C12orf60: variants seen among roughly 807,000 people sequenced by gnomAD.
C12orf60 encodes uncharacterized protein C12orf60.
For missense variants in C12orf60, 284 were observed against 283.2 expected (o/e 1.00, Z -0.02); for synonymous variants, 102 against 94.6 (o/e 1.08, Z -0.45).
intron 1 of C12orf60, chr12:14,805,650 A>G (rs1026594770): frequency 1.1e-5 from 2 of 181,034 alleles, no homozygotes; most frequent in Non-Finnish European, 2.3e-5. Flanking sequence ...AAGTCTCTGC[A>G]TTCAATGTGA....
chr12:14,805,952 G>A (rs57839882), intron 1 of C12orf60: 1 of 1,510,186 alleles, frequency 6.6e-7, no homozygotes, highest in South Asian at 1.3e-5. Context: ...AGCAAACACT[G>A]TTACTGAAAA....
At chr12:14,819,303 A>C (rs773278897) in intron 1 of C12orf60, among the ~76,000 whole-genome samples, 4 of 152,198 alleles carry the variant, frequency 2.6e-5, no homozygotes, top group Non-Finnish European at 5.9e-5. Context: ...AGAGTATTAT[A>C]AATGATACTT....
At chr12:14,808,966 TC>T (rs1278486693) in intron 1 of C12orf60, among the ~76,000 whole-genome samples, 2 of 152,242 alleles carry the variant, frequency 1.3e-5, no homozygotes, top group Non-Finnish European at 2.9e-5. Context: ...CTTTGAATTT[TC>T]TTTTTTCTTC....
intron 1 of C12orf60, among the ~76,000 whole-genome samples, chr12:14,812,475 A>C (rs573011770): frequency 5.5e-4 from 84 of 152,096 alleles, no homozygotes; most frequent in Non-Finnish European, 1.1e-3. Context: ...GGTTACGTAT[A>C]CTATTCCCTG....
intron 1 of C12orf60, chr12:14,806,038 C>T (rs1950042736): frequency 6.2e-7 from 1 of 1,613,820 alleles, no homozygotes; most frequent in Admixed American, 1.7e-5. Flanking sequence ...TTGATGACCT[C>T]AGTAATGGCA....
At chr12:14,812,982 A>T (rs1950164025) in intron 1 of C12orf60, among the ~76,000 whole-genome samples, 1 of 152,194 alleles carries the variant, frequency 6.6e-6, no homozygotes, top group Admixed American at 6.5e-5. Context: ...TACATACTGA[A>T]AACATTTAAG....
chr12:14,813,959 T>G (rs549313853), intron 1 of C12orf60, among the ~76,000 whole-genome samples: 1 of 152,322 alleles, frequency 6.6e-6, no homozygotes, highest in South Asian at 2.1e-4. Flanking sequence ...AAAGGTTCCT[T>G]CCAAATCACA....
intron 1 of C12orf60, among the ~76,000 whole-genome samples, chr12:14,818,103 A>G (rs1950251164): frequency 6.6e-6 from 1 of 151,960 alleles, no homozygotes; most frequent in Non-Finnish European, 1.5e-5. Flanking sequence ...TTTCTTTTTT[A>G]TACATTTGTT....
intron 1 of C12orf60, among the ~76,000 whole-genome samples, chr12:14,817,230 T>A (rs1332483159): frequency 1.5e-4 from 23 of 152,328 alleles, no homozygotes; most frequent in East Asian, 9.6e-4. Flanking sequence ...TTTATGTATG[T>A]GTATGGTATG....
chr12:14,821,000 A>G (rs886975839), intron 1 of C12orf60, among the ~76,000 whole-genome samples: 1 of 152,096 alleles, frequency 6.6e-6, no homozygotes, highest in African/African-American at 2.4e-5. Flanking sequence ...TAGAAATACA[A>G]TTGATTTTGT....
intron 1 of C12orf60, among the ~76,000 whole-genome samples, chr12:14,822,699 A>G (rs1950325010): frequency 6.6e-6 from 1 of 152,208 alleles, no homozygotes; most frequent in Non-Finnish European, 1.5e-5. Flanking sequence ...GATATGTGGT[A>G]TAAATTTGGC....
Position 14,823,148 on chromosome 12 carries a change from A to G in C12orf60, c.213A>G (p.Gln71=). Residue 71 remains glutamine, a synonymous_variant, in exon 2 of 2, where the codon CAA becomes CAG. Transcript: ENST00000330828. ...EQMLKIFKEM[Q]SVVDARHDKI... ...TGCTCAAAATTTTTAAGGAGATGCAATCTGTAGTGGATGCAAGACATGACA... is the reference window on the plus strand; with the variant it reads ...TGCTCAAAATTTTTAAGGAGATGCAGTCTGTAGTGGATGCAAGACATGACA... 1 of 1,614,172 alleles carries G rather than the reference A, an allele frequency of 6.2e-7. No individual in the cohort carries two copies. The highest frequency in any genetic ancestry group is 8.5e-7 in the Non-Finnish European group (1 of 1,180,022).
At chr12:14,814,459 A>T (rs372203996) in intron 1 of C12orf60, among the ~76,000 whole-genome samples, 123 of 152,310 alleles carry the variant, frequency 8.1e-4, no homozygotes, top group African/African-American at 2.7e-3. Flanking sequence ...AGCTAATTCA[A>T]TTTAGTAGAG....
Position 14,806,475 on chromosome 12 carries a change from A to G in C12orf60, c.-25+2724A>G, listed in dbSNP as rs375028145. On this transcript the variant is annotated intron_variant, in intron 1 of 1. Coordinates refer to ENST00000330828, the MANE Select transcript of C12orf60 (RefSeq NM_175874.4). The stretch of plus-strand genomic sequence containing the variant: ...TTGGATTTTCATAATGGCTTGGATG[A>G]TGAGGTCACAGTTTTCTTTGATGGT... 1.9e-5 allele frequency: 30 copies of G among 1,613,988 alleles called. 1 individual carries two copies. In the South Asian group the frequency reaches 2.6e-4, roughly 14 times the overall value.
At chr12:14,812,443 C>CA (rs1260022264) in intron 1 of C12orf60, among the ~76,000 whole-genome samples, 419 of 138,646 alleles carry the variant, frequency 3.0e-3, no homozygotes, top group East Asian at 0.022. Context: ...GACTCCGTCT[C>CA]AAAAAAAAAA....
intron 1 of C12orf60, among the ~76,000 whole-genome samples, chr12:14,817,857 T>G (rs919186259): frequency 3.9e-5 from 6 of 152,192 alleles, no homozygotes; most frequent in African/African-American, 7.2e-5. Context: ...ATAATGGGAT[T>G]GATGGGTCAA....
chr12:14,823,676 A>T lies in C12orf60; in HGVS notation c.*3A>T, dbSNP rs192082227. ...TTAAGAAAGCCAGTGACAAGTAGGGATGCAACAGAAATGTTCATTTCTGTC... is the reference window on the plus strand; with the variant it reads ...TTAAGAAAGCCAGTGACAAGTAGGGTTGCAACAGAAATGTTCATTTCTGTC... On this transcript the variant is annotated 3_prime_UTR_variant, in exon 2 of 2. Transcript: ENST00000330828. The T allele has an allele frequency of 5.6e-4, 860 of 1,545,372 alleles. 10 individuals carry two copies. The African/African-American group carries it at 0.011, about 20-fold the overall frequency.
chr12:14,818,422 G>T (rs1950256014), intron 1 of C12orf60, among the ~76,000 whole-genome samples: 1 of 152,120 alleles, frequency 6.6e-6, no homozygotes, highest in African/African-American at 2.4e-5. Context: ...GTATTGCCTA[G>T]GTTTTCTTCT....
Position 14,803,751 on chromosome 12 carries a change from G to C in C12orf60, c.-25G>C. The C allele has an allele frequency of 2.8e-6, 1 of 361,106 alleles. No homozygotes were observed. The highest frequency in any genetic ancestry group is 4.9e-6 in the Non-Finnish European group (1 of 202,906). The allele number at this position is 361,106 out of a possible 1,614,324, so 22.4% of individuals were successfully genotyped here. ...ATCTTGACTTAGTTGCTGGGAGCCTGGTACGTTGAGCCGTCCGAGAACGGT... is the reference window on the plus strand; with the variant it reads ...ATCTTGACTTAGTTGCTGGGAGCCTCGTACGTTGAGCCGTCCGAGAACGGT... On this transcript the variant is annotated splice_region_variant and 5_prime_UTR_variant, in exon 1 of 2. Coordinates refer to ENST00000330828, the MANE Select transcript of C12orf60 (RefSeq NM_175874.4).
Sources: allele counts gnomAD v4.1 joint callset (sites outside exome capture counted in the v4.1 genomes callset), GRCh38; gene constraint gnomAD v4.1.1; transcripts MANE v1.5; gene names NCBI Gene and HGNC (gene_info 2026-07-23, HGNC 2026-07-21).